Variants in PI4K2A observed in about 807,000 individuals in gnomAD.
PI4K2A encodes the protein phosphatidylinositol 4-kinase type 2-alpha.
Under a neutral mutation model 55.0 loss-of-function variants are expected in PI4K2A, and 20 were observed. The observed-to-expected ratio is 0.36, with a 90% CI of 0.26 to 0.53. The LOEUF (loss-of-function observed/expected upper bound fraction) is 0.53. Ranked by LOEUF, PI4K2A falls within the 20% of genes least tolerant of loss-of-function variation. PI4K2A has a pLI of 0.91. For synonymous variants in PI4K2A, 235 were observed against 258.5 expected, an observed-to-expected ratio of 0.91 and a Z score of 0.87; for missense variants, 463 against 637.1, an observed-to-expected ratio of 0.73 and a Z score of 2.94.
intron 2 of PI4K2A, among the ~76,000 whole-genome samples, chr10:97,655,107 T>G (rs2041546575): frequency 2.0e-5 from 3 of 152,098 alleles, no homozygotes; most frequent in African/African-American, 7.2e-5. Context: ...CAGTGGCTCA[T>G]GCCTGTAATC....
intron 1 of PI4K2A, among the ~76,000 whole-genome samples, chr10:97,642,865 T>TTCTTTTTCTTTCTTTCTTTCTTTC (rs1554878117): frequency 1.9e-5 from 1 of 53,696 alleles, no homozygotes; most frequent in Non-Finnish European, 4.0e-5. Context: ...CTTTCTTTCT[T>TTCTTTTTCTTTCTTTCTTTCTTTC]TTTCTTTCTT....
chr10:97,642,917 C>CTTTCT (rs750027122), intron 1 of PI4K2A, among the ~76,000 whole-genome samples: 3 of 123,844 alleles, frequency 2.4e-5, no homozygotes, highest in South Asian at 2.6e-4. Context: ...TCCTTCCTTC[C>CTTTCT]TTCCTTCCTT....
At chr10:97,644,796 T>C (rs958310428) in intron 1 of PI4K2A, among the ~76,000 whole-genome samples, 50 of 152,322 alleles carry the variant, frequency 3.3e-4, no homozygotes, top group African/African-American at 1.1e-3. Flanking sequence ...ATAGTCTTTT[T>C]TCTTTTTTCG....
At chr10:97,669,750 G>T (rs2041626739) in intron 8 of PI4K2A, among the ~76,000 whole-genome samples, 3 of 152,158 alleles carry the variant, frequency 2.0e-5, no homozygotes, top group Non-Finnish European at 4.4e-5. Flanking sequence ...ATTATTGCAG[G>T]ATGGGCTGTA....
rs184372169 is a variant in PI4K2A, at chr10:97,654,241, G to A, written c.637-2044G>A. 3.8e-3 allele frequency among the ~76,000 whole-genome samples: 580 copies of A among 152,208 alleles called. 1 individual carries two copies. The highest frequency in any genetic ancestry group is 0.021 in the South Asian group (100 of 4,814). On this transcript the variant is annotated intron_variant, in intron 2 of 8. Transcript: ENST00000370631. ...GAATGATAGAAAATAAATATGATGGGGGCAAAAGGGGATTTATGGCTTGAG... is the reference window on the plus strand; with the variant it reads ...GAATGATAGAAAATAAATATGATGGAGGCAAAAGGGGATTTATGGCTTGAG...
chr10:97,642,840 TTCC>T (rs2041479659), intron 1 of PI4K2A, among the ~76,000 whole-genome samples: 1 of 4,288 alleles, frequency 2.3e-4, no homozygotes, highest in African/African-American at 5.8e-4. Context: ...CCTTCCTTCC[TTCC>T]TTCCTTCCTT....
chr10:97,643,812 A>G (rs1216216508), intron 1 of PI4K2A, among the ~76,000 whole-genome samples: 1 of 152,282 alleles, frequency 6.6e-6, no homozygotes, highest in Non-Finnish European at 1.5e-5. Context: ...ACAAATACTT[A>G]CATAGCATTT....
At chr10:97,663,639 G>T (rs925261140) in intron 5 of PI4K2A, among the ~76,000 whole-genome samples, 3 of 151,196 alleles carry the variant, frequency 2.0e-5, no homozygotes, top group Non-Finnish European at 4.4e-5. Context: ...TGGCCGACAT[G>T]GTGAAACCCC....
chr10:97,676,009 A>G (rs2041662690), exon 9 of PI4K2A: 1 of 152,664 alleles, frequency 6.6e-6, no homozygotes, highest in South Asian at 2.1e-4. Context: ...TACGTAATGT[A>G]TTTAAATCAA....
At chr10:97,642,994 T>C (rs1456955889) in intron 1 of PI4K2A, among the ~76,000 whole-genome samples, 1 of 150,670 alleles carries the variant, frequency 6.6e-6, no homozygotes, top group African/African-American at 2.5e-5. Context: ...CTCTTTCTCG[T>C]CTTTCTTTCT....
chr10:97,652,559 C>G (rs2041534554), intron 2 of PI4K2A, among the ~76,000 whole-genome samples: 1 of 152,104 alleles, frequency 6.6e-6, no homozygotes, highest in Non-Finnish European at 1.5e-5. Flanking sequence ...CCTTGGCCTC[C>G]CAAAGTGCTG....
At position 97,673,859 on chromosome 10, in the gene PI4K2A, C is replaced by T. The variant is rs780505983; in HGVS notation, c.*117C>T. On this transcript the variant is annotated 3_prime_UTR_variant, in exon 9 of 9. Transcript: ENST00000370631. ...AGCAGCACCTTTAAGAGCCCTCTCT[C>T]TCTGCTTGCCACCCTGCTCAGAGCT... is the stretch of plus-strand genomic sequence containing the variant. 4.8e-5 allele frequency: 42 copies of T among 868,968 alleles called. 1 individual carries two copies. Among genetic ancestry groups the T allele is most frequent in the Non-Finnish European group, 7.4e-5 (41 of 554,968 alleles). The allele number at this position is 868,968 out of a possible 1,614,324, so 53.8% of individuals were successfully genotyped here.
Position 97,640,846 on chromosome 10 carries a change from CGG to C in PI4K2A, c.105_106del (p.Val36ProfsTer73). The C allele has an allele frequency of 7.3e-7, 1 of 1,378,736 alleles. No homozygotes were observed. Among genetic ancestry groups the C allele is most frequent in the Non-Finnish European group, 9.4e-7 (1 of 1,063,894 alleles). 85.4% of individuals were successfully genotyped at this position (1,378,736 alleles called of 1,614,324 possible). A position where few individuals can be genotyped will look rare whatever the true frequency, so the allele number is the denominator to read the frequency against. Reference sequence around the variant, plus strand: ...CACTTTCCGCAGGTGCCCGGGGGCGCGGTCCGAGTGGCGGCGGCGGCCGGCTC... The same window carrying C: ...CACTTTCCGCAGGTGCCCGGGGGCGCTCCGAGTGGCGGCGGCGGCCGGCTC... On this transcript the variant is annotated frameshift_variant, in exon 1 of 9. Coordinates refer to ENST00000370631, the Ensembl canonical transcript of PI4K2A. LOFTEE classifies it high-confidence loss of function.
At chr10:97,669,880 G>A (rs1455587209) in intron 8 of PI4K2A, among the ~76,000 whole-genome samples, 1 of 152,150 alleles carries the variant, frequency 6.6e-6, no homozygotes, top group Non-Finnish European at 1.5e-5. Flanking sequence ...TCTAGGGTCT[G>A]AGAGAAAGCC....
chr10:97,640,902 C>T, exon 1 of PI4K2A: 1 of 1,311,760 alleles, frequency 7.6e-7, no homozygotes, highest in African/African-American at 1.5e-5. Flanking sequence ...CTCGCCGGGC[C>T]ACGACCGCGA....
chr10:97,641,265 A>T, intron 1 of PI4K2A, 88 bp downstream of exon 1: 1 of 961,948 alleles, frequency 1.0e-6, no homozygotes, highest in Non-Finnish European at 1.5e-6. Context: ...CAGAGGGAAA[A>T]GGGAGAAACT....
intron 1 of PI4K2A, among the ~76,000 whole-genome samples, chr10:97,646,748 C>T (rs940248120): frequency 2.0e-5 from 3 of 152,002 alleles, no homozygotes; most frequent in Non-Finnish European, 2.9e-5. Context: ...ATAGGAACCC[C>T]GCTGGGTTCC....
chr10:97,642,876 T>TCTTC (rs2041483035), intron 1 of PI4K2A, among the ~76,000 whole-genome samples: 1 of 123,346 alleles, frequency 8.1e-6, no homozygotes. Flanking sequence ...TTTCTTTCTT[T>TCTTC]CTTTCTTTCT....
intron 8 of PI4K2A, among the ~76,000 whole-genome samples, chr10:97,671,418 C>A (rs1196079718): frequency 6.6e-6 from 1 of 151,766 alleles, no homozygotes; most frequent in African/African-American, 2.4e-5. Context: ...TGTCACTGTA[C>A]TCCAGCTTGG....
Sources: allele counts gnomAD v4.1 joint callset (sites outside exome capture counted in the v4.1 genomes callset), GRCh38; gene constraint gnomAD v4.1.1; transcripts MANE v1.5; gene names NCBI Gene and HGNC (gene_info 2026-07-23, HGNC 2026-07-21).